The following PRELID2 variants were observed in gnomAD, a reference collection of about 807,000 sequenced individuals.
The protein encoded by PRELID2 is PRELI domain-containing protein 2.
In PRELID2, 25 loss-of-function variants were observed where a neutral mutation model predicts 28.4. That is an observed-to-expected ratio of 0.88 (90% CI 0.64 to 1.23). The LOEUF (loss-of-function observed/expected upper bound fraction) is 1.23, where lower values mean the gene tolerates loss of function less well. Among genes scored for constraint, PRELID2 ranks in the 50% most tolerant of loss-of-function variants. The pLI is 0.00. For missense variants in PRELID2, 201 were observed against 214.4 expected (o/e 0.94, Z 0.39); for synonymous variants, 76 against 71.6 (o/e 1.06, Z -0.31).
At chr5:145,732,973 T>C (rs1161533114) in intron 1 of PRELID2, among the ~76,000 whole-genome samples, 2 of 151,030 alleles carry the variant, frequency 1.3e-5, no homozygotes, top group East Asian at 3.9e-4. Flanking sequence ...ATTATTTGTA[T>C]AGGTGTTTTT....
At chr5:145,574,623 T>C (rs985599274) in intron 1 of PRELID2, among the ~76,000 whole-genome samples, 1 of 152,162 alleles carries the variant, frequency 6.6e-6, no homozygotes, top group Admixed American at 6.5e-5. Flanking sequence ...CTGAGAGCCT[T>C]GTCCATCCAT....
the PRELID2 span, among the ~76,000 whole-genome samples, chr5:145,465,243 G>C: frequency 1.3e-5 from 2 of 152,086 alleles, no homozygotes; most frequent in African/African-American, 2.4e-5. Context: ...TTAAACCACA[G>C]ATACTCAGGC....
intron 1 of PRELID2, among the ~76,000 whole-genome samples, chr5:145,542,922 G>C (rs983155307): frequency 2.0e-5 from 3 of 151,694 alleles, no homozygotes; most frequent in African/African-American, 7.3e-5. Flanking sequence ...AAGATCTCTG[G>C]CCTGCAGCCC....
chr5:145,311,552 C>A, the PRELID2 span, among the ~76,000 whole-genome samples: 1 of 152,110 alleles, frequency 6.6e-6, no homozygotes, highest in African/African-American at 2.4e-5. Flanking sequence ...TTGATTTTTG[C>A]AAGGACAGCT....
At chr5:145,376,294 G>A in the PRELID2 span, among the ~76,000 whole-genome samples, 1 of 152,232 alleles carries the variant, frequency 6.6e-6, no homozygotes, top group South Asian at 2.1e-4. Context: ...GATTTAGTTT[G>A]CCAGTATTTC....
the PRELID2 span, among the ~76,000 whole-genome samples, chr5:145,457,806 G>T: frequency 2.0e-5 from 3 of 152,154 alleles, no homozygotes; most frequent in Non-Finnish European, 2.9e-5. Flanking sequence ...ACCTTGGTTT[G>T]CTTAGCTCTC....
chr5:145,330,831 G>C, the PRELID2 span, among the ~76,000 whole-genome samples: 1 of 151,950 alleles, frequency 6.6e-6, no homozygotes, highest in Admixed American at 6.5e-5. Flanking sequence ...GAATTTCTTT[G>C]CTCTTGCTTC....
At chr5:145,450,702 C>A in the PRELID2 span, 1 of 152,246 alleles carries the variant, frequency 6.6e-6, no homozygotes, top group Admixed American at 6.6e-5. Flanking sequence ...GTCTAAGATG[C>A]TAGAAATGAA....
chr5:145,271,665 C>T, the PRELID2 span, among the ~76,000 whole-genome samples: 1 of 152,092 alleles, frequency 6.6e-6, no homozygotes, highest in Non-Finnish European at 1.5e-5. Flanking sequence ...CTGTTTTGCC[C>T]TCCTTCCTGG....
the PRELID2 span, among the ~76,000 whole-genome samples, chr5:145,327,187 T>G: frequency 6.6e-6 from 1 of 152,194 alleles, no homozygotes; most frequent in Non-Finnish European, 1.5e-5. Context: ...TTTTTGTCTG[T>G]ATTATTAATT....
At chr5:145,712,736 T>C (rs201264348) in intron 1 of PRELID2, among the ~76,000 whole-genome samples, 2 of 151,762 alleles carry the variant, frequency 1.3e-5, no homozygotes, top group East Asian at 1.9e-4. Context: ...ATGTTGAAAA[T>C]ATAAGACAGT....
intron 1 of PRELID2, among the ~76,000 whole-genome samples, chr5:145,488,525 A>G (rs1020435730): frequency 7.9e-5 from 12 of 152,236 alleles, no homozygotes; most frequent in African/African-American, 2.9e-4. Context: ...GATAATCATA[A>G]CAACTTCCTA....
intron 2 of PRELID2, among the ~76,000 whole-genome samples, chr5:145,821,462 A>T (rs1754824393): frequency 6.6e-6 from 1 of 152,184 alleles, no homozygotes; most frequent in African/African-American, 2.4e-5. Context: ...AGTTTCCAGA[A>T]TTAAGCCAGG....
At chr5:145,643,091 A>C (rs1754136255) in intron 1 of PRELID2, among the ~76,000 whole-genome samples, 1 of 152,204 alleles carries the variant, frequency 6.6e-6, no homozygotes, top group African/African-American at 2.4e-5. Context: ...CATTGAACCT[A>C]TAAATTACTT....
the PRELID2 span, among the ~76,000 whole-genome samples, chr5:145,303,181 C>T: frequency 6.6e-6 from 1 of 152,072 alleles, no homozygotes; most frequent in Non-Finnish European, 1.5e-5. Flanking sequence ...TAAAGCACCC[C>T]AAAAAGTAGG....
intron 4 of PRELID2, 22 bp downstream of exon 4, chr5:145,817,872 C>G: frequency 6.6e-7 from 1 of 1,521,080 alleles, no homozygotes; most frequent in Non-Finnish European, 8.8e-7. Flanking sequence ...AAAACACACA[C>G]ACATATACAC....
chr5:145,534,544 G>A (rs1752683141), intron 1 of PRELID2, among the ~76,000 whole-genome samples: 1 of 151,986 alleles, frequency 6.6e-6, no homozygotes, highest in Admixed American at 6.6e-5. Flanking sequence ...GGGCTGTGGA[G>A]TAAGGCAGAC....
At chr5:145,737,304 G>A (rs1756522870) in intron 1 of PRELID2, among the ~76,000 whole-genome samples, 1 of 151,966 alleles carries the variant, frequency 6.6e-6, no homozygotes, top group African/African-American at 2.4e-5. Flanking sequence ...CATCTCAGAA[G>A]AAGCAATGTT....
intron 5 of PRELID2, among the ~76,000 whole-genome samples, chr5:145,791,679 G>A (rs945639047): frequency 2.6e-5 from 4 of 152,128 alleles, no homozygotes; most frequent in African/African-American, 9.7e-5. Flanking sequence ...CAATGTGAGT[G>A]TACTTAATGC....
Sources: gnomAD v4.1 joint callset for allele counts (sites outside exome capture counted in the v4.1 genomes callset) on GRCh38, gnomAD v4.1.1 for gene constraint, MANE v1.5 for transcripts, NCBI Gene and HGNC (gene_info 2026-07-23, HGNC 2026-07-21) for gene names.